GRIP1: variants seen among roughly 807,000 people sequenced by gnomAD.
The protein encoded by GRIP1 is glutamate receptor-interacting protein 1.
Under a neutral mutation model 129.9 loss-of-function variants are expected in GRIP1, and 45 were observed. The ratio of observed to expected loss-of-function variants is 0.35; its 90% CI spans 0.27 to 0.44. GRIP1 has a LOEUF of 0.44. Ranked by LOEUF, GRIP1 falls within the 20% of genes least tolerant of loss-of-function variation. The pLI is 1.00. For missense variants in GRIP1, 1,196 were observed against 1,396.8 expected (o/e 0.86, Z 2.29); for synonymous variants, 530 against 520.8 (o/e 1.02, Z -0.24).
chr12:66,493,532 C>T (rs760878734), intron 7 of GRIP1, among the ~76,000 whole-genome samples: 1 of 152,030 alleles, frequency 6.6e-6, no homozygotes, highest in African/African-American at 2.4e-5. Flanking sequence ...GCACTTTATG[C>T]CACTGGAACA....
chr12:66,560,978 A>G (rs973587611), intron 2 of GRIP1, among the ~76,000 whole-genome samples: 3 of 152,224 alleles, frequency 2.0e-5, no homozygotes, highest in Non-Finnish European at 4.4e-5. Flanking sequence ...TGTGGTACAT[A>G]CACACAATGG....
chr12:67,059,777 A>C (rs1267309422), intron 1 of GRIP1, among the ~76,000 whole-genome samples: 4 of 152,242 alleles, frequency 2.6e-5, no homozygotes, highest in African/African-American at 9.6e-5. Context: ...AACCCCAGCT[A>C]TATAAGTATA....
At chr12:66,503,998 A>G (rs2060461398) in intron 7 of GRIP1, among the ~76,000 whole-genome samples, 1 of 150,752 alleles carries the variant, frequency 6.6e-6, no homozygotes, top group African/African-American at 2.4e-5. Flanking sequence ...GTAGAGCGGG[A>G]ATCACAAACC....
At chr12:66,762,286 C>T (rs2037499740) in intron 1 of GRIP1, among the ~76,000 whole-genome samples, 1 of 152,108 alleles carries the variant, frequency 6.6e-6, no homozygotes, top group African/African-American at 2.4e-5. Flanking sequence ...AGGCAATTTA[C>T]CTGGCCCCAA....
intron 1 of GRIP1, among the ~76,000 whole-genome samples, chr12:66,652,535 A>C (rs2032875167): frequency 6.6e-6 from 1 of 152,206 alleles, no homozygotes; most frequent in Non-Finnish European, 1.5e-5. Flanking sequence ...AACGTAGGAG[A>C]TAGTGCTTTG....
At chr12:66,618,845 T>A (rs1371677785) in intron 1 of GRIP1, among the ~76,000 whole-genome samples, 1 of 152,138 alleles carries the variant, frequency 6.6e-6, no homozygotes, top group Non-Finnish European at 1.5e-5. Flanking sequence ...CATCATCATC[T>A]ATAGTAAAAA....
At chr12:66,708,609 A>G (rs934125241) in intron 1 of GRIP1, among the ~76,000 whole-genome samples, 4 of 151,986 alleles carry the variant, frequency 2.6e-5, no homozygotes, top group African/African-American at 9.7e-5. Flanking sequence ...TATGATGAAA[A>G]TACATGAAAT....
In GRIP1 at chr12:66,686,832, G is replaced by A. The variant is rs543744781; in HGVS notation, c.-419-56496C>T. Among the ~76,000 whole-genome samples, 3 of 152,308 alleles carry A rather than the reference G, an allele frequency of 2.0e-5. No homozygotes were observed. In the South Asian group the frequency reaches 6.2e-4, roughly 32 times the overall value. The stretch of plus-strand genomic sequence containing the variant: ...AGCACTTTGGGAGGCTGAGGCAGGA[G>A]GATCACTTGAGCCCAGGAGTTTGAA... On this transcript the variant is annotated intron_variant, in intron 1 of 4. Transcript: ENST00000538373.
intron 15 of GRIP1, among the ~76,000 whole-genome samples, chr12:66,418,721 T>C (rs1334668195): frequency 3.3e-5 from 5 of 152,092 alleles, no homozygotes; most frequent in Non-Finnish European, 7.4e-5. Flanking sequence ...ATCAGAGAAA[T>C]GCAAATCAAA....
At chr12:66,638,920 A>G (rs551971881) in intron 1 of GRIP1, among the ~76,000 whole-genome samples, 1 of 152,328 alleles carries the variant, frequency 6.6e-6, no homozygotes, top group South Asian at 2.1e-4. Context: ...GGCATTTTAC[A>G]TAAGCTCCTT....
At chr12:66,698,028 G>A (rs1294590118) in intron 1 of GRIP1, among the ~76,000 whole-genome samples, 1 of 151,998 alleles carries the variant, frequency 6.6e-6, no homozygotes, top group Admixed American at 6.6e-5. Flanking sequence ...AAGAATTACG[G>A]TTACAGTATT....
At chr12:66,847,569 A>C (rs925631806) in intron 1 of GRIP1, among the ~76,000 whole-genome samples, 4 of 152,164 alleles carry the variant, frequency 2.6e-5, no homozygotes, top group African/African-American at 9.7e-5. Context: ...TATAGTACTT[A>C]TGTATGTCAT....
Position 67,066,890 on chromosome 12 carries a change from A to T in GRIP1, c.58+2160T>A, listed in dbSNP as rs11176561. On this transcript the variant is annotated intron_variant, in intron 1 of 1. Coordinates refer to the GRIP1 transcript ENST00000643019. ...GGCAGCTCAGTTTAAATATATATTT[A>T]TATATATATATATATATATATACAC... Among the ~76,000 whole-genome samples the T allele has an allele frequency of 5.6e-3, 265 of 47,566 alleles. 5 individuals carry two copies. Among genetic ancestry groups the T allele is most frequent in the African/African-American group, 0.019 (246 of 13,216 alleles). The allele number at this position is 47,566 out of a possible 152,430, so 31.2% of individuals were successfully genotyped here. A position where few individuals can be genotyped will look rare whatever the true frequency, so the allele number is the denominator to read the frequency against.
intron 1 of GRIP1, among the ~76,000 whole-genome samples, chr12:66,632,720 T>C (rs2030940724): frequency 1.3e-5 from 2 of 152,324 alleles, no homozygotes; most frequent in East Asian, 1.9e-4. Flanking sequence ...TACAAAGACA[T>C]ATAAATTAAA....
intron 1 of GRIP1, among the ~76,000 whole-genome samples, chr12:66,740,961 T>C (rs1017992223): frequency 3.6e-4 from 55 of 152,164 alleles, no homozygotes; most frequent in Admixed American, 1.4e-3. Context: ...TTTCAATGTA[T>C]GCACATTTAA....
At chr12:66,858,633 T>A (rs1361036153) in intron 1 of GRIP1, among the ~76,000 whole-genome samples, 1 of 151,990 alleles carries the variant, frequency 6.6e-6, no homozygotes, top group Non-Finnish European at 1.5e-5. Context: ...GAAAGTGTGT[T>A]GAGACAATAA....
Position 66,979,330 on chromosome 12 carries a change from A to G in GRIP1, c.58+89720T>C, listed in dbSNP as rs1002587630. ...CTTTTCCTCTTATATGAATTCACAC[A>G]TTTTGGCAAGGTGAAAAAAAAAAAC... On this transcript the variant is annotated intron_variant, in intron 1 of 1. Coordinates refer to the GRIP1 transcript ENST00000643019. Among the ~76,000 whole-genome samples, 4 of 149,166 alleles carry G rather than the reference A, an allele frequency of 2.7e-5. No individual in the cohort carries two copies. The Admixed American group carries it at 2.7e-4, about 10-fold the overall frequency.
At chr12:66,964,536 C>T (rs1241740991) in intron 1 of GRIP1, among the ~76,000 whole-genome samples, 1 of 152,112 alleles carries the variant, frequency 6.6e-6, no homozygotes, top group Non-Finnish European at 1.5e-5. Context: ...ACATTCTCCT[C>T]CTTCTACTTA....
intron 15 of GRIP1, among the ~76,000 whole-genome samples, chr12:66,409,470 T>A (rs1377544418): frequency 6.6e-6 from 1 of 152,234 alleles, no homozygotes; most frequent in Non-Finnish European, 1.5e-5. Flanking sequence ...TTACTGGACT[T>A]GGGGTGCCCC....
Sources: allele counts gnomAD v4.1 joint callset (sites outside exome capture counted in the v4.1 genomes callset), GRCh38; gene constraint gnomAD v4.1.1; transcripts MANE v1.5; gene names NCBI Gene and HGNC (gene_info 2026-07-23, HGNC 2026-07-21).